NELL1: variants seen among roughly 807,000 people sequenced by gnomAD.
The protein encoded by NELL1 is neural EGFL like 1.
NELL1 carries 76 observed loss-of-function variants against 107.4 expected under a neutral mutation model. The observed-to-expected ratio is 0.71, with a 90% CI of 0.59 to 0.86. The LOEUF (loss-of-function observed/expected upper bound fraction) is 0.86, where lower values mean the gene tolerates loss of function less well. Among genes scored for constraint, NELL1 ranks in the 40% least tolerant of loss-of-function variants. The pLI is 0.00. For missense variants in NELL1, 1,024 were observed against 1,005.5 expected (o/e 1.02, Z -0.25); for synonymous variants, 353 against 341.2 (o/e 1.03, Z -0.38).
chr11:21,209,559 T>G (rs1857457658), intron 13 of NELL1, among the ~76,000 whole-genome samples: 1 of 151,926 alleles, frequency 6.6e-6, no homozygotes, highest in South Asian at 2.1e-4. Flanking sequence ...TGTTAACTTA[T>G]TTCAGAACTT....
At chr11:21,445,624 G>A (rs186062438) in intron 15 of NELL1, among the ~76,000 whole-genome samples, 29 of 152,226 alleles carry the variant, frequency 1.9e-4, no homozygotes, top group African/African-American at 6.0e-4. Context: ...GAGCCACAGC[G>A]CCCGGCCTAT....
chr11:21,317,980 C>A (rs1849918166), intron 14 of NELL1, among the ~76,000 whole-genome samples: 2 of 152,050 alleles, frequency 1.3e-5, no homozygotes, highest in African/African-American at 4.8e-5. Flanking sequence ...ATATGTATTT[C>A]TTATGGGGTA....
In NELL1 at chr11:20,919,946, G is replaced by A. The variant is rs573894169; in HGVS notation, c.759+612G>A. Among the ~76,000 whole-genome samples the A allele has an allele frequency of 2.6e-5, 4 of 152,220 alleles. No homozygotes were observed. In the South Asian group the frequency reaches 8.3e-4, roughly 32 times the overall value. On this transcript the variant is annotated intron_variant, in intron 7 of 19. Transcript: ENST00000357134. ...GAGGACCTGCCGTTTGCTGGGCACTGTGTTAGGCACAAAGAGGCAATAGTG... is the reference window on the plus strand; with the variant it reads ...GAGGACCTGCCGTTTGCTGGGCACTATGTTAGGCACAAAGAGGCAATAGTG...
intron 18 of NELL1, among the ~76,000 whole-genome samples, chr11:21,572,604 A>G (rs1258489750): frequency 6.9e-6 from 1 of 145,206 alleles, no homozygotes; most frequent in East Asian, 2.0e-4. Flanking sequence ...GAGACACACA[A>G]AAGCTCCATT....
chr11:20,988,341 G>A (rs1851893995), intron 12 of NELL1, among the ~76,000 whole-genome samples: 1 of 150,852 alleles, frequency 6.6e-6, no homozygotes. Context: ...GTAGATAATG[G>A]CACAAATATA....
chr11:21,458,854 T>A (rs186889490), intron 15 of NELL1, among the ~76,000 whole-genome samples: 1 of 152,194 alleles, frequency 6.6e-6, no homozygotes, highest in Non-Finnish European at 1.5e-5. Flanking sequence ...TGAAGAGAAT[T>A]TTTTTCTGTT....
At position 20,967,269 on chromosome 11, in the gene NELL1, G is replaced by T. The variant is rs556645209; in HGVS notation, c.1300+6709G>T. Among the ~76,000 whole-genome samples the T allele has an allele frequency of 2.0e-5, 3 of 152,180 alleles. No homozygotes were observed. In the East Asian group the frequency reaches 5.8e-4, roughly 29 times the overall value. On this transcript the variant is annotated intron_variant, in intron 12 of 19. Transcript: ENST00000357134. ...AGACCCTGCAAATTCTTAGTTAAGA[G>T]ATTGTATAGGAGAAATGGGCTAGTT...
intron 2 of NELL1, among the ~76,000 whole-genome samples, chr11:20,732,931 G>A (rs576782163): frequency 6.6e-6 from 1 of 152,268 alleles, no homozygotes; most frequent in African/African-American, 2.4e-5. Context: ...GAACACAAAG[G>A]CTAGTCTCTA....
At chr11:20,760,838 T>C (rs534135888) in intron 2 of NELL1, among the ~76,000 whole-genome samples, 5 of 152,336 alleles carry the variant, frequency 3.3e-5, no homozygotes, top group African/African-American at 1.2e-4. Flanking sequence ...TGACTGTGTC[T>C]GTTAAAGATT....
chr11:20,674,481 T>A, intron 1 of NELL1: 1 of 1,535,806 alleles, frequency 6.5e-7, no homozygotes, highest in Non-Finnish European at 8.7e-7. Context: ...ACATGAAATT[T>A]CCTACAGCAG....
chr11:20,845,710 C>T (rs7113853), intron 3 of NELL1, among the ~76,000 whole-genome samples: 51,067 of 152,014 alleles, frequency 0.34, 9,937 homozygotes, highest in African/African-American at 0.53. Context: ...TGCCATATTC[C>T]TGGCACATGA....
At chr11:20,934,726 G>A (rs892141658) in intron 9 of NELL1, among the ~76,000 whole-genome samples, 1 of 152,226 alleles carries the variant, frequency 6.6e-6, no homozygotes, top group Non-Finnish European at 1.5e-5. Context: ...TTGCCAAGTT[G>A]GCAGCAGGCA....
rs142926733 is a variant in NELL1 at position 20,884,407 on chromosome 11, C to G, written c.507-1037C>G. Among the ~76,000 whole-genome samples the G allele has an allele frequency of 5.6e-4, 85 of 152,308 alleles. 1 individual carries two copies. In the East Asian group the frequency reaches 0.014, roughly 24 times the overall value. On this transcript the variant is annotated intron_variant, in intron 4 of 19. Transcript: ENST00000357134. ...ATGATTCCGCAGCCGTTGCTCAGTC[C>G]TCAGCGAGGACTCAGGAAAGCAAGA...
chr11:21,543,763 C>T (rs1051811602), intron 16 of NELL1, among the ~76,000 whole-genome samples: 1 of 151,978 alleles, frequency 6.6e-6, no homozygotes, highest in African/African-American at 2.4e-5. Context: ...AAGCGCACCT[C>T]CTCCGTTTCG....
intron 14 of NELL1, among the ~76,000 whole-genome samples, chr11:21,337,816 C>G (rs1565175480): frequency 2.9e-5 from 1 of 34,332 alleles, no homozygotes; most frequent in East Asian, 8.0e-4. Context: ...TTCTTGCTTT[C>G]CTTCTTTCTT....
At chr11:21,204,894 T>C (rs1590731982) in intron 13 of NELL1, among the ~76,000 whole-genome samples, 1 of 152,288 alleles carries the variant, frequency 6.6e-6, no homozygotes, top group South Asian at 2.1e-4. Context: ...TAGAGTTTGC[T>C]GGAGGTCCAC....
At chr11:21,098,898 C>G (rs111319151) in intron 12 of NELL1, among the ~76,000 whole-genome samples, 1 of 152,000 alleles carries the variant, frequency 6.6e-6, no homozygotes, top group African/African-American at 2.4e-5. Flanking sequence ...AGGCATGTCT[C>G]TGAGTTAGAC....
intron 16 of NELL1, among the ~76,000 whole-genome samples, chr11:21,543,820 T>C (rs1418929295): frequency 6.6e-6 from 1 of 151,976 alleles, no homozygotes; most frequent in Non-Finnish European, 1.5e-5. Context: ...TGCATTACAC[T>C]AGACTCGGGC....
chr11:21,315,098 C>A (rs1849848117), intron 14 of NELL1, among the ~76,000 whole-genome samples: 4 of 152,116 alleles, frequency 2.6e-5, no homozygotes, highest in Admixed American at 2.0e-4. Flanking sequence ...CTCAGGTGAT[C>A]CGTCTGCCTT....
Sources: allele counts gnomAD v4.1 joint callset (sites outside exome capture counted in the v4.1 genomes callset), GRCh38; gene constraint gnomAD v4.1.1; transcripts MANE v1.5; gene names NCBI Gene and HGNC (gene_info 2026-07-23, HGNC 2026-07-21).